The following PCED1B variants were observed in gnomAD, a reference collection of about 807,000 sequenced individuals.
The protein encoded by PCED1B is PC-esterase domain containing 1B.
For synonymous variants in PCED1B, 251 were observed against 246.1 expected, an observed-to-expected ratio of 1.02 and a Z score of -0.19; for missense variants, 573 against 573.9, an observed-to-expected ratio of 1.00 and a Z score of 0.02.
At chr12:47,105,549 C>T (rs544200143) in intron 2 of PCED1B, among the ~76,000 whole-genome samples, 1 of 152,042 alleles carries the variant, frequency 6.6e-6, no homozygotes, top group Non-Finnish European at 1.5e-5. Context: ...GGACTAGGGC[C>T]TGAGGTCATG....
chr12:47,224,570 A>C (rs1181951496), intron 3 of PCED1B, among the ~76,000 whole-genome samples: 1 of 152,164 alleles, frequency 6.6e-6, no homozygotes, highest in Non-Finnish European at 1.5e-5. Context: ...CACAAAGTAA[A>C]CCTGTGATTA....
intron 2 of PCED1B, among the ~76,000 whole-genome samples, chr12:47,207,281 T>A (rs1942939381): frequency 6.6e-6 from 1 of 152,222 alleles, no homozygotes. Context: ...AATATCAGTG[T>A]TGGTTTGAAT....
intron 2 of PCED1B, among the ~76,000 whole-genome samples, chr12:47,182,183 T>A (rs1350363622): frequency 6.6e-6 from 1 of 152,106 alleles, no homozygotes; most frequent in Non-Finnish European, 1.5e-5. Context: ...GAGGGGGTGC[T>A]AGAGGAACCA....
At chr12:47,170,265 GA>G (rs1941681951) in intron 2 of PCED1B, among the ~76,000 whole-genome samples, 1 of 152,142 alleles carries the variant, frequency 6.6e-6, no homozygotes. Flanking sequence ...TCTTAGTACA[GA>G]ACAAAATGGA....
Position 47,084,285 on chromosome 12 carries a change from T to C in PCED1B, c.-609+4560T>C, listed in dbSNP as rs142930147. Among the ~76,000 whole-genome samples, 194 of 152,320 alleles carry C rather than the reference T, an allele frequency of 1.3e-3. 3 individuals carry two copies. Among genetic ancestry groups the C allele is most frequent in the Admixed American group, 9.4e-3 (144 of 15,308 alleles). ...TCATGGAATTCATTGAATACTATAC[T>C]GAAAGTGAAAAACAGAATGATTGTA... On this transcript the variant is annotated intron_variant, in intron 1 of 3. Transcript: ENST00000546455.
At chr12:47,115,606 T>C (rs940116063) in intron 2 of PCED1B, among the ~76,000 whole-genome samples, 1 of 152,220 alleles carries the variant, frequency 6.6e-6, no homozygotes, top group Non-Finnish European at 1.5e-5. Flanking sequence ...CTAGAAATGT[T>C]TCAGATTAGA....
intron 2 of PCED1B, among the ~76,000 whole-genome samples, chr12:47,202,594 T>TA (rs60769675): frequency 0.015 from 988 of 66,638 alleles, 22 homozygotes; most frequent in Middle Eastern, 0.027. Context: ...TAGACATTAG[T>TA]AAAAAAAAAA....
In PCED1B at chr12:47,146,994, T is replaced by G. The variant is rs570234519; in HGVS notation, c.-526+42799T>G. ...AATTTCTTTAGATATCCTAGTTCAT[T>G]GCTCTTTTTTTTTTTTTTTTTTTTG... On this transcript the variant is annotated intron_variant, in intron 2 of 3. Coordinates refer to ENST00000546455, the MANE Select transcript of PCED1B (RefSeq NM_138371.3). Among the ~76,000 whole-genome samples, 272 of 129,386 alleles carry G rather than the reference T, an allele frequency of 2.1e-3. 1 individual carries two copies. Among genetic ancestry groups the G allele is most frequent in the Admixed American group, 3.0e-3 (34 of 11,158 alleles). 84.9% of individuals were successfully genotyped at this position (129,386 alleles called of 152,430 possible). A position where few individuals can be genotyped will look rare whatever the true frequency, so the allele number is the denominator to read the frequency against.
At chr12:47,211,467 C>T (rs950924554) in intron 2 of PCED1B, among the ~76,000 whole-genome samples, 2 of 148,496 alleles carry the variant, frequency 1.3e-5, no homozygotes, top group African/African-American at 5.0e-5. Context: ...GCCTGGCCAA[C>T]ATGGTGAAAC....
intron 2 of PCED1B, among the ~76,000 whole-genome samples, chr12:47,178,310 G>A (rs1941988862): frequency 6.6e-6 from 1 of 152,166 alleles, no homozygotes; most frequent in Non-Finnish European, 1.5e-5. Context: ...TGGATGCCAT[G>A]TGCTGACTGC....
rs11183797 is a variant in PCED1B at position 47,206,752 on chromosome 12, C to T, written c.-525-9470C>T. On this transcript the variant is annotated intron_variant, in intron 2 of 3. Transcript: ENST00000546455. ...CGAAACCTCATCTCTACCCCGCCCC[C>T]GCAACAAAAAAAAAATCCAAGGTTT... Among the ~76,000 whole-genome samples the T allele has an allele frequency of 0.012, 1,674 of 143,970 alleles. 81 individuals carry two copies. The East Asian group carries it at 0.15, about 13-fold the overall frequency. 94.4% of individuals were successfully genotyped at this position (143,970 alleles called of 152,430 possible).
intron 2 of PCED1B, among the ~76,000 whole-genome samples, chr12:47,121,888 C>T (rs986691623): frequency 4.0e-5 from 6 of 151,708 alleles, no homozygotes; most frequent in Non-Finnish European, 5.9e-5. Flanking sequence ...AAAAATTAGC[C>T]GGGTATGGTG....
chr12:47,181,429 G>A (rs928526497), intron 2 of PCED1B, among the ~76,000 whole-genome samples: 25 of 151,352 alleles, frequency 1.7e-4, no homozygotes, highest in African/African-American at 5.8e-4. Flanking sequence ...GAGTGCAATG[G>A]TGCAATCTTA....
intron 1 of PCED1B, among the ~76,000 whole-genome samples, chr12:47,087,585 G>C (rs1349313142): frequency 2.0e-5 from 3 of 152,158 alleles, no homozygotes; most frequent in African/African-American, 7.2e-5. Flanking sequence ...TAGGATATAA[G>C]GTGGTATAGA....
intron 2 of PCED1B, among the ~76,000 whole-genome samples, chr12:47,160,623 T>C (rs1941347616): frequency 6.6e-6 from 1 of 152,290 alleles, no homozygotes; most frequent in African/African-American, 2.4e-5. Flanking sequence ...CCAGCATCTT[T>C]CATGTCTTAT....
At chr12:47,150,584 A>C (rs887375723) in intron 2 of PCED1B, among the ~76,000 whole-genome samples, 2 of 151,944 alleles carry the variant, frequency 1.3e-5, no homozygotes, top group African/African-American at 4.8e-5. Context: ...TCTCAAAAAA[A>C]AAAAAAGAAA....
chr12:47,233,346 G>T (rs7313224), intron 3 of PCED1B, among the ~76,000 whole-genome samples: 11,999 of 151,986 alleles, frequency 0.079, 547 homozygotes, highest in Middle Eastern at 0.12. Context: ...TTTCACCGTG[G>T]TAGCCAGAAA....
At chr12:47,117,607 T>C (rs1939483404) in intron 2 of PCED1B, among the ~76,000 whole-genome samples, 1 of 152,166 alleles carries the variant, frequency 6.6e-6, no homozygotes, top group Non-Finnish European at 1.5e-5. Flanking sequence ...TTGTTGGACA[T>C]TTGGGTTGGT....
chr12:47,158,646 T>C (rs1382520891), intron 2 of PCED1B, among the ~76,000 whole-genome samples: 1 of 152,220 alleles, frequency 6.6e-6, no homozygotes, highest in East Asian at 1.9e-4. Flanking sequence ...ACAATTTTTA[T>C]TGATAGACAA....
Sources: allele counts gnomAD v4.1 joint callset (sites outside exome capture counted in the v4.1 genomes callset), GRCh38; gene constraint gnomAD v4.1.1; transcripts MANE v1.5; gene names NCBI Gene and HGNC (gene_info 2026-07-23, HGNC 2026-07-21).